The following GPR4 variants were observed in gnomAD, a reference collection of about 807,000 sequenced individuals.
The protein encoded by GPR4 is G-prodeshotein coupled receptor 4.
Under a neutral mutation model 17.8 loss-of-function variants are expected in GPR4, and 11 were observed. That is an observed-to-expected ratio of 0.62 (90% CI 0.39 to 1.02). GPR4 has a LOEUF of 1.02. Among genes scored for constraint, GPR4 ranks in the 50% least tolerant of loss-of-function variants. The pLI is 0.00. For missense variants in GPR4, 364 were observed against 495.4 expected, an observed-to-expected ratio of 0.73 and a Z score of 2.52; for synonymous variants, 219 against 222.8, an observed-to-expected ratio of 0.98 and a Z score of 0.15.
At chr19:45,601,377 C>T (rs1333972930) in intron 1 of GPR4, among the ~76,000 whole-genome samples, 1 of 152,078 alleles carries the variant, frequency 6.6e-6, no homozygotes, top group Non-Finnish European at 1.5e-5. Flanking sequence ...GGAGGAAGTC[C>T]ACCCCCCAGG....
At chr19:45,597,761 G>A (rs942103802) in intron 1 of GPR4, among the ~76,000 whole-genome samples, 1 of 152,186 alleles carries the variant, frequency 6.6e-6, no homozygotes, top group African/African-American at 2.4e-5. Flanking sequence ...GAGGGGGAAG[G>A]GAGGGAGAGG....
chr19:45,594,308 G>C (rs938415441), intron 1 of GPR4, among the ~76,000 whole-genome samples: 1 of 149,084 alleles, frequency 6.7e-6, no homozygotes, highest in Non-Finnish European at 1.5e-5. Flanking sequence ...TGTAGTCCCA[G>C]CTACTCAGGA....
rs1034865115 is a variant in GPR4 at position 45,591,719 on chromosome 19, T to A, written c.148A>T (p.Asn50Tyr). The change falls in exon 2 of 2, where the codon AAC becomes TAC. Residue 50 changes from asparagine (N) to tyrosine (Y), a missense_variant. Coordinates refer to ENST00000323040, the MANE Select transcript of GPR4 (RefSeq NM_005282.3). This position sits in a 1 kb window ranked among gnomAD's most constrained non-coding sequence, Gnocchi z 7.6. ...TTCATCAGGTAGACGCCCAGCTCGT[T>A]GCGCTGTTGCACCTGGCGGTAGGCC... ...WAAYRQVQQRNELGVYLMNLS... is the reference protein window; with the variant it reads ...WAAYRQVQQRYELGVYLMNLS... 6.2e-7 allele frequency: 1 copy of A among 1,613,944 alleles called. No individual in the cohort carries two copies. The highest frequency in any genetic ancestry group is 8.5e-7 in the Non-Finnish European group (1 of 1,179,972).
intron 1 of GPR4, among the ~76,000 whole-genome samples, chr19:45,594,078 A>ATATATATATATATATATTTTT (rs1411133593): frequency 4.0e-5 from 3 of 74,608 alleles, no homozygotes; most frequent in Non-Finnish European, 6.8e-5. Flanking sequence ...ATATATATAT[A>ATATATATATATATATATTTTT]TATATATATA....
chr19:45,591,893 T>A lies in GPR4; in HGVS notation c.-27A>T, dbSNP rs776556297. The stretch of plus-strand genomic sequence containing the variant: ...GTGGGCACTTCGGCTTCTGGGGCGC[T>A]TCCCCTGGCCCACGGGGGCTGTGGG... On this transcript the variant is annotated 5_prime_UTR_variant, in exon 2 of 2. The change creates a new upstream start codon in the 5' untranslated region. Transcript: ENST00000323040. This position sits in a 1 kb window ranked among gnomAD's most constrained non-coding sequence, Gnocchi z 7.6. 7.8e-6 allele frequency: 12 copies of A among 1,534,224 alleles called. No individual in the cohort carries two copies. Among genetic ancestry groups the A allele is most frequent in the Non-Finnish European group, 7.0e-6 (8 of 1,138,652 alleles).
chr19:45,596,983 T>C (rs1180223730), intron 1 of GPR4, among the ~76,000 whole-genome samples: 1 of 152,196 alleles, frequency 6.6e-6, no homozygotes, highest in Non-Finnish European at 1.5e-5. Flanking sequence ...TCACCTCTCC[T>C]TCCTGCCTCA....
At chr19:45,597,903 G>T (rs907891753) in intron 1 of GPR4, among the ~76,000 whole-genome samples, 3 of 151,846 alleles carry the variant, frequency 2.0e-5, no homozygotes, top group African/African-American at 7.3e-5. Context: ...GGTCCTCAGC[G>T]GCAGAGCTGC....
At chr19:45,600,387 C>G (rs1479422397) in intron 1 of GPR4, among the ~76,000 whole-genome samples, 1 of 152,156 alleles carries the variant, frequency 6.6e-6, no homozygotes, top group African/African-American at 2.4e-5. Flanking sequence ...CTCCACCTCC[C>G]TCCCTCTCTT....
chr19:45,595,491 G>A (rs770508049), intron 1 of GPR4, among the ~76,000 whole-genome samples: 2 of 151,980 alleles, frequency 1.3e-5, no homozygotes, highest in Non-Finnish European at 2.9e-5. Context: ...TCCTCCCTCA[G>A]GGACCACTCT....
intron 1 of GPR4, among the ~76,000 whole-genome samples, chr19:45,593,988 C>A (rs764123442): frequency 4.6e-4 from 67 of 144,262 alleles, no homozygotes; most frequent in Non-Finnish European, 7.8e-4. Flanking sequence ...TCCAGTGATC[C>A]TCCTGCCTCA....
At position 45,594,059 on chromosome 19, in the gene GPR4, AAAAAATATATATATATAT is replaced by A. The variant is rs1254298220; in HGVS notation, c.-831-1380_-831-1363del. Among the ~76,000 whole-genome samples the A allele has an allele frequency of 2.2e-3, 95 of 42,774 alleles. No individual in the cohort carries two copies. The South Asian group carries it at 0.067, about 30-fold the overall frequency. The allele number at this position is 42,774 out of a possible 152,430, so 28.1% of individuals were successfully genotyped here. On this transcript the variant is annotated intron_variant, in intron 1 of 1. Coordinates refer to ENST00000323040, the MANE Select transcript of GPR4 (RefSeq NM_005282.3). ...CCATGCCTGGCTTAAAAAAAAAAAA[AAAAAATATATATATATAT>A]ATATATATATATATATAAAATAGAT...
In GPR4 at chr19:45,591,836, C is replaced by A. The variant is rs1316000841; in HGVS notation, c.31G>T (p.Val11Leu). Reference sequence around the variant, plus strand: ...AAGAGGTGGTCCACGCGCGAGTCCACGTGGCAGCCCTCCCACGTGTGGTTG... The same window carrying A: ...AAGAGGTGGTCCACGCGCGAGTCCAAGTGGCAGCCCTCCCACGTGTGGTTG... MGNHTWEGCH[V>L]DSRVDHLFPP... Residue 11 changes from valine (V) to leucine (L), a missense_variant, in exon 2 of 2, where the codon GTG (valine) becomes TTG (leucine). Coordinates refer to ENST00000323040, the MANE Select transcript of GPR4 (RefSeq NM_005282.3). This position sits in a 1 kb window ranked among gnomAD's most constrained non-coding sequence, Gnocchi z 7.6. 2 of 1,578,088 alleles carry A rather than the reference C, an allele frequency of 1.3e-6. No homozygotes were observed. The highest frequency in any genetic ancestry group is 1.3e-5 in the African/African-American group (1 of 74,270).
At position 45,590,782 on chromosome 19, in the gene GPR4, T is replaced by G; in HGVS notation, c.1085A>C (p.Gln362Pro). The change falls in exon 2 of 2, where the codon CAA becomes CCA. Residue 362 changes from glutamine to proline, a missense_variant. Coordinates refer to ENST00000323040, the MANE Select transcript of GPR4 (RefSeq NM_005282.3). ...GGATTCTGTGCCACTCGGGGTTCAT[T>G]GTGCTGGCGGCAGCATCTTCAGCTG... ...QVQLKMLPPA[Q>P] 1.3e-6 allele frequency: 2 copies of G among 1,561,788 alleles called. No individual in the cohort carries two copies. The highest frequency in any genetic ancestry group is 4.5e-5 in the East Asian group (2 of 44,384).
rs1390177970 is a variant in GPR4, at chr19:45,594,761, T to C, written c.-831-2064A>G. On this transcript the variant is annotated intron_variant, in intron 1 of 1. Transcript: ENST00000323040. ...ACTTTGGGAGGCCAAGGCGGGAGGA[T>C]CGCCTGAGGTCAGGAGTTCAAGATC... 8.7e-5 allele frequency among the ~76,000 whole-genome samples: 11 copies of C among 126,528 alleles called. 3 individuals carry two copies. The highest frequency in any genetic ancestry group is 1.4e-4 in the Non-Finnish European group (8 of 59,166). 83.0% of individuals were successfully genotyped at this position (126,528 alleles called of 152,430 possible). A position where few individuals can be genotyped will look rare whatever the true frequency, so the allele number is the denominator to read the frequency against.
At chr19:45,597,987 G>T (rs1450085025) in intron 1 of GPR4, among the ~76,000 whole-genome samples, 3 of 152,042 alleles carry the variant, frequency 2.0e-5, no homozygotes, top group African/African-American at 7.2e-5. Context: ...CGTACTCCAG[G>T]CTGGAACAGT....
chr19:45,590,796 C>T lies in GPR4; in HGVS notation c.1071G>A (p.Met357Ile). 1 of 1,574,156 alleles carries T rather than the reference C, an allele frequency of 6.4e-7. No homozygotes were observed. Among genetic ancestry groups the T allele is most frequent in the South Asian group, 1.2e-5 (1 of 85,190 alleles). Residue 357 changes from methionine (M) to isoleucine (I), a missense_variant, in exon 2 of 2, where the codon ATG becomes ATA. Physicochemically the swap from Met to Ile is conservative, Grantham distance 10 (BLOSUM62 1). This residue lies in a region of GPR4 where 92 missense variants were observed against 106.0 expected (regional missense o/e 0.87). Coordinates refer to ENST00000323040, the MANE Select transcript of GPR4 (RefSeq NM_005282.3). The part of the protein sequence containing the change: ...PSQGDQVQLK[M>I]LPPAQ ...TCGGGGTTCATTGTGCTGGCGGCAGCATCTTCAGCTGCACCTGGTCCCCCT... is the reference window on the plus strand; with the variant it reads ...TCGGGGTTCATTGTGCTGGCGGCAGTATCTTCAGCTGCACCTGGTCCCCCT...
At chr19:45,597,485 G>A (rs1453352542) in intron 1 of GPR4, among the ~76,000 whole-genome samples, 1 of 152,110 alleles carries the variant, frequency 6.6e-6, no homozygotes, top group Non-Finnish European at 1.5e-5. Flanking sequence ...TTTTGTTTGT[G>A]TCTGTCTGCC....
intron 1 of GPR4, among the ~76,000 whole-genome samples, chr19:45,596,487 G>A (rs1393649765): frequency 6.6e-6 from 1 of 152,108 alleles, no homozygotes; most frequent in South Asian, 2.1e-4. Flanking sequence ...TTACAGGCGT[G>A]AGCCACCGCG....
At chr19:45,596,500 C>T (rs1360472604) in intron 1 of GPR4, among the ~76,000 whole-genome samples, 2 of 151,230 alleles carry the variant, frequency 1.3e-5, no homozygotes, top group African/African-American at 2.4e-5. Flanking sequence ...CCACCGCGCC[C>T]GGGCAAGATC....
Sources: gnomAD v4.1 joint callset for allele counts (sites outside exome capture counted in the v4.1 genomes callset) on GRCh38, gnomAD v4.1.1 for gene constraint, gnomAD v4.1.1 regional missense constraint, Gnocchi (gnomAD v3.1) non-coding constraint, MANE v1.5 for transcripts, NCBI Gene and HGNC (gene_info 2026-07-23, HGNC 2026-07-21) for gene names.